MAGI2: variants seen among roughly 807,000 people sequenced by gnomAD.
The protein encoded by MAGI2 is membrane associated guanylate kinase, WW and PDZ domain containing 2, also known as membrane-associated guanylate kinase, WW and PDZ domain-containing protein 2.
MAGI2 carries 35 observed loss-of-function variants against 133.3 expected under a neutral mutation model. The ratio of observed to expected loss-of-function variants is 0.26; its 90% confidence interval spans 0.20 to 0.35. The LOEUF (loss-of-function observed/expected upper bound fraction) is 0.35. Among genes scored for constraint, MAGI2 ranks in the 10% least tolerant of loss-of-function variants. MAGI2 has a pLI of 1.00. For missense variants in MAGI2, 1,636 were observed against 1,863.4 expected (o/e 0.88, Z 2.25); for synonymous variants, 729 against 710.6 (o/e 1.03, Z -0.41).
intron 2 of MAGI2, among the ~76,000 whole-genome samples, chr7:78,927,335 CA>C (rs1799784690): frequency 6.6e-6 from 1 of 151,960 alleles, no homozygotes; most frequent in Non-Finnish European, 1.5e-5. Flanking sequence ...AATTTATTTC[CA>C]GTTCCATGGA....
chr7:78,896,516 C>CT (rs1328621943), intron 2 of MAGI2, among the ~76,000 whole-genome samples: 3 of 148,534 alleles, frequency 2.0e-5, no homozygotes, highest in African/African-American at 7.4e-5. Flanking sequence ...GAAACCTATC[C>CT]TCTAAATGGG....
chr7:79,406,791 C>T (rs765367837), intron 1 of MAGI2, among the ~76,000 whole-genome samples: 4 of 151,946 alleles, frequency 2.6e-5, no homozygotes, highest in African/African-American at 9.7e-5. Flanking sequence ...CAGAAATGAA[C>T]CTTATTTAGA....
At chr7:79,233,824 T>C (rs2129554445) in intron 1 of MAGI2, among the ~76,000 whole-genome samples, 1 of 150,158 alleles carries the variant, frequency 6.7e-6, no homozygotes, top group Admixed American at 6.6e-5. Flanking sequence ...TGTGTGAATT[T>C]GATCCTGTCA....
At chr7:78,240,344 T>C (rs1420489744) in intron 10 of MAGI2, among the ~76,000 whole-genome samples, 1 of 152,168 alleles carries the variant, frequency 6.6e-6, no homozygotes, top group Non-Finnish European at 1.5e-5. Context: ...TAGTATTCCA[T>C]GGTGTATGTG....
intron 1 of MAGI2, among the ~76,000 whole-genome samples, chr7:79,243,603 G>T (rs1197352850): frequency 1.4e-4 from 22 of 152,268 alleles, no homozygotes; most frequent in South Asian, 8.3e-4. Flanking sequence ...TTTTAAATCT[G>T]AGAGAATGGA....
chr7:79,078,460 A>C (rs1405685997), intron 1 of MAGI2, among the ~76,000 whole-genome samples: 1 of 152,298 alleles, frequency 6.6e-6, no homozygotes, highest in South Asian at 2.1e-4. Flanking sequence ...TTATCTACCA[A>C]AGGTATATTT....
At chr7:79,011,928 T>TTCCTTCCTTC (rs1562785441) in intron 1 of MAGI2, among the ~76,000 whole-genome samples, 13 of 56,432 alleles carry the variant, frequency 2.3e-4, no homozygotes, top group Admixed American at 8.9e-4. Context: ...TTCCTTCCTT[T>TTCCTTCCTTC]CTTTCTTTCT....
intron 1 of MAGI2, among the ~76,000 whole-genome samples, chr7:79,234,878 T>C (rs1216199013): frequency 6.6e-6 from 1 of 151,890 alleles, no homozygotes; most frequent in African/African-American, 2.4e-5. Context: ...CTCTGCGTTT[T>C]AGAGTTTCCA....
intron 2 of MAGI2, among the ~76,000 whole-genome samples, chr7:78,795,465 CA>C (rs921504546): frequency 1.6e-4 from 25 of 151,600 alleles, no homozygotes; most frequent in South Asian, 6.2e-4. Flanking sequence ...ATAGTAACTA[CA>C]AAAAACTAGG....
At chr7:79,380,994 G>A (rs1367198931) in intron 1 of MAGI2, among the ~76,000 whole-genome samples, 1 of 151,682 alleles carries the variant, frequency 6.6e-6, no homozygotes, top group Non-Finnish European at 1.5e-5. Flanking sequence ...TGATACTTTA[G>A]ACTGTGCCAC....
chr7:79,182,428 A>C (rs1320076489), intron 1 of MAGI2, among the ~76,000 whole-genome samples: 1 of 151,890 alleles, frequency 6.6e-6, no homozygotes, highest in African/African-American at 2.4e-5. Flanking sequence ...ATTCACCATC[A>C]TGAGAACACT....
intron 9 of MAGI2, among the ~76,000 whole-genome samples, chr7:78,326,439 C>T (rs1018481903): frequency 6.6e-6 from 1 of 152,174 alleles, no homozygotes; most frequent in Non-Finnish European, 1.5e-5. Flanking sequence ...AAATTACTCA[C>T]ATTCCTCTGT....
Position 78,531,607 on chromosome 7 carries a change from A to G in MAGI2, c.539-9962T>C, listed in dbSNP as rs569325305. 3.3e-5 allele frequency among the ~76,000 whole-genome samples: 5 copies of G among 152,286 alleles called. No individual in the cohort carries two copies. In the South Asian group the frequency reaches 8.3e-4, roughly 25 times the overall value. On this transcript the variant is annotated intron_variant, in intron 3 of 21. Transcript: ENST00000354212. ...AGAAAAGGAAAGTGAAATTTTGACA[A>G]ATTTATAAATGGGCATTTGTACAAA...
chr7:78,812,085 G>A (rs13235388), intron 2 of MAGI2, among the ~76,000 whole-genome samples: 4 of 152,088 alleles, frequency 2.6e-5, no homozygotes, highest in African/African-American at 9.7e-5. Flanking sequence ...GGGAACATGG[G>A]CAGCCTCAAG....
intron 1 of MAGI2, among the ~76,000 whole-genome samples, chr7:79,394,334 A>G (rs746076647): frequency 6.6e-6 from 1 of 152,224 alleles, no homozygotes; most frequent in African/African-American, 2.4e-5. Flanking sequence ...CTGTAAAGAC[A>G]TAAGTATGTG....
At chr7:79,384,903 ATATCT>A (rs1359204101) in intron 1 of MAGI2, among the ~76,000 whole-genome samples, 2 of 151,742 alleles carry the variant, frequency 1.3e-5, no homozygotes, top group African/African-American at 2.4e-5. Context: ...TTTTCCACAA[ATATCT>A]TAGCAGTATA....
chr7:78,832,063 G>C (rs73369469), intron 2 of MAGI2, among the ~76,000 whole-genome samples: 2,819 of 151,848 alleles, frequency 0.019, 90 homozygotes, highest in African/African-American at 0.064. Flanking sequence ...TTCAGAATAA[G>C]GGTTTCTTTC....
At chr7:78,448,920 C>G (rs189891032) in intron 6 of MAGI2, among the ~76,000 whole-genome samples, 85 of 152,094 alleles carry the variant, frequency 5.6e-4, no homozygotes, top group Non-Finnish European at 9.7e-4. Context: ...CACACAGTGT[C>G]TCGTAGAGCG....
In MAGI2 at chr7:78,562,038, T is replaced by G. The variant is rs546595059; in HGVS notation, c.539-40393A>C. Among the ~76,000 whole-genome samples the G allele has an allele frequency of 5.3e-5, 8 of 152,228 alleles. No homozygotes were observed. The South Asian group carries it at 8.3e-4, about 16-fold the overall frequency. ...GACCATGATGAAGTTTGTGAAAGAT[T>G]CACAAACGCTCTATTAGGGTACATG... is the stretch of plus-strand genomic sequence containing the variant. On this transcript the variant is annotated intron_variant, in intron 3 of 21. Coordinates refer to ENST00000354212, the MANE Select transcript of MAGI2 (RefSeq NM_012301.4).
Sources: gnomAD v4.1 joint callset for allele counts (sites outside exome capture counted in the v4.1 genomes callset) on GRCh38, gnomAD v4.1.1 for gene constraint, MANE v1.5 for transcripts, NCBI Gene and HGNC (gene_info 2026-07-23, HGNC 2026-07-21) for gene names.